The following AP3B1 variants were observed in gnomAD, a reference collection of about 807,000 sequenced individuals.
AP3B1 encodes the protein AP-3 complex subunit beta-1.
A neutral mutation model predicts 132.5 loss-of-function variants in AP3B1; 61 were observed. The observed-to-expected ratio is 0.46, with a 90% CI of 0.37 to 0.57. The LOEUF (loss-of-function observed/expected upper bound fraction) is 0.57, where lower values mean the gene tolerates loss of function less well. AP3B1 is among the 20% of genes least tolerant of loss of function. The pLI is 0.00. For synonymous variants in AP3B1, 388 were observed against 438.3 expected, an observed-to-expected ratio of 0.89 and a Z score of 1.43; for missense variants, 1,120 against 1,289.4, an observed-to-expected ratio of 0.87 and a Z score of 2.01.
At chr5:78,049,739 C>G (rs1216731588) in intron 22 of AP3B1, among the ~76,000 whole-genome samples, 1 of 152,182 alleles carries the variant, frequency 6.6e-6, no homozygotes, top group Non-Finnish European at 1.5e-5. Context: ...GTTCCTACCC[C>G]TGCATCTTAT....
At chr5:78,168,394 T>A (rs1486807302) in intron 11 of AP3B1, among the ~76,000 whole-genome samples, 1 of 151,894 alleles carries the variant, frequency 6.6e-6, no homozygotes, top group African/African-American at 2.4e-5. Context: ...CAGCTTATTT[T>A]AAATTTTTTT....
intron 2 of AP3B1, among the ~76,000 whole-genome samples, chr5:78,249,558 C>G (rs1747538688): frequency 6.7e-6 from 1 of 149,554 alleles, no homozygotes; most frequent in Admixed American, 6.7e-5. Context: ...CTCTATTCTT[C>G]AGAATGATTT....
At chr5:78,205,211 C>T (rs1380782235) in intron 7 of AP3B1, among the ~76,000 whole-genome samples, 1 of 151,772 alleles carries the variant, frequency 6.6e-6, no homozygotes, top group Middle Eastern at 3.2e-3. Flanking sequence ...AAAAATAAGG[C>T]TAGTCACACA....
intron 22 of AP3B1, among the ~76,000 whole-genome samples, chr5:78,057,587 C>T (rs1748868875): frequency 6.6e-6 from 1 of 152,122 alleles, no homozygotes; most frequent in Non-Finnish European, 1.5e-5. Flanking sequence ...AAATGTACAG[C>T]CCTCTAAACA....
chr5:78,285,620 C>T (rs932838867), intron 1 of AP3B1, among the ~76,000 whole-genome samples: 3 of 152,046 alleles, frequency 2.0e-5, no homozygotes, highest in Non-Finnish European at 4.4e-5. Context: ...GATGCCTAAT[C>T]GCATCTCAAA....
At chr5:78,091,322 G>A (rs1006207316) in intron 21 of AP3B1, among the ~76,000 whole-genome samples, 42 of 146,794 alleles carry the variant, frequency 2.9e-4, no homozygotes, top group East Asian at 9.7e-4. Context: ...TAAATGATAC[G>A]GCCAAAGAAG....
intron 15 of AP3B1, among the ~76,000 whole-genome samples, chr5:78,139,662 T>G (rs1479110784): frequency 6.6e-6 from 1 of 152,044 alleles, no homozygotes; most frequent in Non-Finnish European, 1.5e-5. Flanking sequence ...AGAAATGAAT[T>G]TGAGGAATCG....
intron 21 of AP3B1, among the ~76,000 whole-genome samples, chr5:78,099,354 C>T (rs1028743995): frequency 6.6e-6 from 1 of 152,140 alleles, no homozygotes; most frequent in Non-Finnish European, 1.5e-5. Flanking sequence ...AGCAGGGGAA[C>T]AGCAGTAGAA....
intron 2 of AP3B1, among the ~76,000 whole-genome samples, chr5:78,264,213 T>A (rs987620117): frequency 4.6e-5 from 7 of 152,200 alleles, no homozygotes; most frequent in African/African-American, 1.7e-4. Context: ...ATTCACATAA[T>A]TTTTAAACCC....
chr5:78,186,600 G>A (rs1744617083), intron 7 of AP3B1, among the ~76,000 whole-genome samples: 1 of 152,104 alleles, frequency 6.6e-6, no homozygotes, highest in African/African-American at 2.4e-5. Context: ...TTGAGTAAAG[G>A]TTATGCCAGA....
intron 7 of AP3B1, among the ~76,000 whole-genome samples, chr5:78,184,458 G>A (rs1428579587): frequency 5.9e-5 from 9 of 151,820 alleles, no homozygotes; most frequent in South Asian, 2.1e-4. Flanking sequence ...GAGGCGAGGC[G>A]GGTGGATCAC....
At chr5:78,086,840 C>T (rs567589791) in intron 22 of AP3B1, among the ~76,000 whole-genome samples, 3 of 152,096 alleles carry the variant, frequency 2.0e-5, no homozygotes, top group Admixed American at 6.5e-5. Context: ...ATATAAAATA[C>T]GAAGTTTTTT....
At chr5:78,214,170 G>A (rs771264113) in intron 7 of AP3B1, among the ~76,000 whole-genome samples, 6 of 152,174 alleles carry the variant, frequency 3.9e-5, no homozygotes, top group Non-Finnish European at 8.8e-5. Context: ...ATTCCAGTAT[G>A]CCAGGGACAA....
At chr5:78,051,421 CT>C (rs11369898) in intron 22 of AP3B1, among the ~76,000 whole-genome samples, 10 of 151,618 alleles carry the variant, frequency 6.6e-5, no homozygotes, top group African/African-American at 1.9e-4. Context: ...AGCATGTCTG[CT>C]TTTTTTTGAG....
In AP3B1 at chr5:78,097,587, C is replaced by T. The variant is rs1750915773; in HGVS notation, c.2470+3366G>A. ...GGTCAGCCCCCCGCCCGGCCAGCCG[C>T]CCCGTCCGGGAGGGAGGTGGGGGGG... is the stretch of plus-strand genomic sequence containing the variant. On this transcript the variant is annotated intron_variant, in intron 21 of 26. Transcript: ENST00000255194. Among the ~76,000 whole-genome samples, 13 of 138,562 alleles carry T rather than the reference C, an allele frequency of 9.4e-5. 2 individuals carry two copies. The highest frequency in any genetic ancestry group is 5.8e-4 in the Admixed American group (8 of 13,782). The allele number at this position is 138,562 out of a possible 152,430, so 90.9% of individuals were successfully genotyped here.
Position 78,084,521 on chromosome 5 carries a change from C to CAAAA in AP3B1, c.2577+4868_2577+4871dup, listed in dbSNP as rs568637894. On this transcript the variant is annotated intron_variant, in intron 22 of 26. Coordinates refer to ENST00000255194, the MANE Select transcript of AP3B1 (RefSeq NM_003664.5). The stretch of plus-strand genomic sequence containing the variant: ...CCTGGGCGACAGAGCCAGACCCTGT[C>CAAAA]AAAAAAAAAAAAAAAAAAAAAAAAA... 9.0e-3 allele frequency among the ~76,000 whole-genome samples: 395 copies of CAAAA among 43,960 alleles called. 33 individuals are homozygous for CAAAA. Among genetic ancestry groups the CAAAA allele is most frequent in the African/African-American group, 0.038 (352 of 9,186 alleles). 28.8% of individuals were successfully genotyped at this position (43,960 alleles called of 152,430 possible).
intron 22 of AP3B1, chr5:78,087,687 A>G: frequency 2.0e-6 from 2 of 985,352 alleles, no homozygotes; most frequent in Non-Finnish European, 2.4e-6. Flanking sequence ...GACCATCTCA[A>G]TAAATACTTT....
intron 17 of AP3B1, among the ~76,000 whole-genome samples, chr5:78,117,793 G>GTA (rs1449504984): frequency 6.6e-6 from 1 of 152,158 alleles, no homozygotes; most frequent in Non-Finnish European, 1.5e-5. Flanking sequence ...TTAATACAGA[G>GTA]TATTAGTTTG....
Position 78,177,300 on chromosome 5 carries a change from G to A in AP3B1, c.1040+39C>T, listed in dbSNP as rs749736171. ...ATTTGTTCAAACATTACTTTTGAAGGAATACAAAAGAAAAAATATATATAA... is the reference window on the plus strand; with the variant it reads ...ATTTGTTCAAACATTACTTTTGAAGAAATACAAAAGAAAAAATATATATAA... On this transcript the variant is annotated intron_variant, in intron 9 of 26. Transcript: ENST00000255194. 6.0e-6 allele frequency: 8 copies of A among 1,329,122 alleles called. No homozygotes were observed. In the Admixed American group the frequency reaches 1.4e-4, roughly 23 times the overall value. The allele number at this position is 1,329,122 out of a possible 1,614,324, so 82.3% of individuals were successfully genotyped here. A position where few individuals can be genotyped will look rare whatever the true frequency, so the allele number is the denominator to read the frequency against.
Sources: gnomAD v4.1 joint callset for allele counts (sites outside exome capture counted in the v4.1 genomes callset) on GRCh38, gnomAD v4.1.1 for gene constraint, MANE v1.5 for transcripts, NCBI Gene and HGNC (gene_info 2026-07-23, HGNC 2026-07-21) for gene names.